The following ADTRP variants were observed in gnomAD, a reference collection of about 807,000 sequenced individuals.
The protein encoded by ADTRP is androgen dependent TFPI regulating protein.
A neutral mutation model predicts 27.0 loss-of-function variants in ADTRP; 20 were observed. The ratio of observed to expected loss-of-function variants is 0.74; its 90% CI spans 0.52 to 1.08. The LOEUF is 1.08. Ranked by LOEUF, ADTRP falls within the 50% of genes least tolerant of loss-of-function variation. The pLI, the probability that ADTRP is intolerant of heterozygous loss-of-function variation, is 0.00. For missense variants in ADTRP, 251 were observed against 275.0 expected (o/e 0.91, Z 0.62); for synonymous variants, 101 against 105.2 (o/e 0.96, Z 0.25).
chr6:11,762,482 C>T (rs1763424195), intron 3 of ADTRP, among the ~76,000 whole-genome samples: 1 of 152,182 alleles, frequency 6.6e-6, no homozygotes, highest in South Asian at 2.1e-4. Flanking sequence ...TAAATGACAA[C>T]ATATTAAATA....
At position 11,714,519 on chromosome 6, in the gene ADTRP, A is replaced by AAAC. The variant is rs1561735131; in HGVS notation, c.659-10_659-8dup. The AAAC allele has an allele frequency of 1.9e-6, 3 of 1,612,882 alleles. No individual in the cohort carries two copies. The highest frequency in any genetic ancestry group is 2.5e-6 in the Non-Finnish European group (3 of 1,179,674). On this transcript the variant is annotated splice_region_variant and splice_polypyrimidine_tract_variant and intron_variant, in intron 5 of 5. Transcript: ENST00000414691. ...CGTGGCTGCCTCATGTCACCTGTAC[A>AAAC]AACAAGAACAGAGACAGACCTCAGG...
At chr6:11,761,425 T>C (rs1424764380) in intron 3 of ADTRP, among the ~76,000 whole-genome samples, 1 of 152,264 alleles carries the variant, frequency 6.6e-6, no homozygotes, top group Admixed American at 6.5e-5. Flanking sequence ...AGCAGGCATC[T>C]GATAAATACT....
intron 3 of ADTRP, among the ~76,000 whole-genome samples, chr6:11,756,739 A>C (rs1763225520): frequency 6.6e-6 from 1 of 152,160 alleles, no homozygotes; most frequent in African/African-American, 2.4e-5. Flanking sequence ...TAAGCACATG[A>C]ATATTAGAGA....
At chr6:11,716,701 T>TTTTTCC (rs1761836576) in intron 5 of ADTRP, among the ~76,000 whole-genome samples, 1 of 136,154 alleles carries the variant, frequency 7.3e-6, no homozygotes, top group African/African-American at 2.7e-5. Flanking sequence ...TGACCATGCT[T>TTTTTCC]TTTTTCTTTT....
chr6:11,720,523 G>C (rs961515268), intron 5 of ADTRP, among the ~76,000 whole-genome samples: 3 of 151,572 alleles, frequency 2.0e-5, no homozygotes, highest in Non-Finnish European at 4.4e-5. Flanking sequence ...CCAGGCTGGA[G>C]TGCAGTGGCG....
intron 3 of ADTRP, among the ~76,000 whole-genome samples, chr6:11,749,927 G>T (rs1156692491): frequency 5.9e-5 from 9 of 152,166 alleles, no homozygotes; most frequent in Admixed American, 3.9e-4. Flanking sequence ...AAGAAACAGT[G>T]CAGGGCTCAG....
chr6:11,745,931 C>T (rs1033766542), intron 3 of ADTRP, among the ~76,000 whole-genome samples: 1 of 152,142 alleles, frequency 6.6e-6, no homozygotes, highest in African/African-American at 2.4e-5. Context: ...GCTGGGATTA[C>T]AGGCGTGTGC....
intron 3 of ADTRP, among the ~76,000 whole-genome samples, chr6:11,740,971 T>C (rs926718476): frequency 2.0e-5 from 3 of 152,230 alleles, no homozygotes; most frequent in Non-Finnish European, 1.5e-5. Flanking sequence ...TCTCAAAGAC[T>C]GAAGTTTTTA....
chr6:11,717,530 T>G, intron 5 of ADTRP: 1 of 1,125,600 alleles, frequency 8.9e-7, no homozygotes, highest in Non-Finnish European at 1.1e-6. Context: ...AACATAGTAT[T>G]CTCAAAGATT....
intron 1 of ADTRP, among the ~76,000 whole-genome samples, chr6:11,769,410 G>C (rs1763689850): frequency 6.6e-6 from 1 of 152,114 alleles, no homozygotes. Flanking sequence ...GCCACATGCT[G>C]CTCCTGGGCT....
At chr6:11,750,512 A>G (rs1012415563) in intron 3 of ADTRP, among the ~76,000 whole-genome samples, 8 of 152,250 alleles carry the variant, frequency 5.3e-5, no homozygotes, top group African/African-American at 1.9e-4. Flanking sequence ...TAATTGTTAC[A>G]TTGCCTAGCC....
chr6:11,763,552 C>G (rs1282099035), intron 3 of ADTRP, among the ~76,000 whole-genome samples: 1 of 152,172 alleles, frequency 6.6e-6, no homozygotes, highest in Non-Finnish European at 1.5e-5. Flanking sequence ...AAATGCCCAG[C>G]CGGACTGCCC....
At position 11,768,233 on chromosome 6, in the gene ADTRP, C is replaced by T. The variant is rs775632255; in HGVS notation, c.288+16G>A. 1 of 1,613,896 alleles carries T rather than the reference C, an allele frequency of 6.2e-7. No homozygotes were observed. The highest frequency in any genetic ancestry group is 1.3e-5 in the African/African-American group (1 of 75,044). On this transcript the variant is annotated intron_variant, in intron 2 of 5. Transcript: ENST00000414691. ...GCACATTTCTGTTAGATTATGTACACATCTTTGAAACTTACCGTGGATACA... is the reference window on the plus strand; with the variant it reads ...GCACATTTCTGTTAGATTATGTACATATCTTTGAAACTTACCGTGGATACA...
chr6:11,763,868 G>T (rs1417553632), intron 3 of ADTRP, among the ~76,000 whole-genome samples: 1 of 152,242 alleles, frequency 6.6e-6, no homozygotes, highest in Non-Finnish European at 1.5e-5. Flanking sequence ...AAGGCAGGAA[G>T]TTTGGGAATG....
intron 3 of ADTRP, among the ~76,000 whole-genome samples, chr6:11,737,528 G>A (rs1009274808): frequency 7.2e-5 from 11 of 152,174 alleles, no homozygotes; most frequent in Non-Finnish European, 1.3e-4. Context: ...CCTCCCATCC[G>A]AGCTGATCTG....
chr6:11,729,127 G>A (rs929144635), intron 4 of ADTRP, among the ~76,000 whole-genome samples: 1 of 152,168 alleles, frequency 6.6e-6, no homozygotes, highest in Non-Finnish European at 1.5e-5. Flanking sequence ...AAATACCGAC[G>A]TCTGTGGGTG....
chr6:11,715,439 G>A (rs115153725), intron 5 of ADTRP, among the ~76,000 whole-genome samples: 1,907 of 152,160 alleles, frequency 0.013, 41 homozygotes, highest in African/African-American at 0.042. Flanking sequence ...GATTTCCTAG[G>A]ATGGCCACCT....
intron 4 of ADTRP, among the ~76,000 whole-genome samples, chr6:11,732,377 A>G (rs1287023557): frequency 1.3e-5 from 2 of 152,102 alleles, no homozygotes; most frequent in Non-Finnish European, 2.9e-5. Flanking sequence ...TGACTGTCCA[A>G]ACTGGCACAT....
At chr6:11,766,134 A>G in intron 3 of ADTRP, 140 bp downstream of exon 3, 1 of 572,790 alleles carries the variant, frequency 1.7e-6, no homozygotes, top group Non-Finnish European at 3.0e-6. Context: ...CATACCTTCA[A>G]TATGCCCTTT....
Sources: allele counts gnomAD v4.1 joint callset (sites outside exome capture counted in the v4.1 genomes callset), GRCh38; gene constraint gnomAD v4.1.1; transcripts MANE v1.5; gene names NCBI Gene and HGNC (gene_info 2026-07-23, HGNC 2026-07-21).